The following ZNF37A variants were observed in gnomAD, a reference collection of about 807,000 sequenced individuals.
ZNF37A encodes zinc finger protein 37a (KOX 21).
In ZNF37A, 10 loss-of-function variants were observed where a neutral mutation model predicts 12.3. The ratio of observed to expected loss-of-function variants is 0.82; its 90% confidence interval spans 0.50 to 1.38. The LOEUF is 1.38. ZNF37A is among the 40% of genes most tolerant of loss of function. The pLI, the probability that ZNF37A is intolerant of heterozygous loss-of-function variation, is 0.00. For missense variants in ZNF37A, 580 were observed against 651.2 expected, an observed-to-expected ratio of 0.89 and a Z score of 1.19; for synonymous variants, 207 against 223.0, an observed-to-expected ratio of 0.93 and a Z score of 0.64.
chr10:38,139,731 T>A (rs1318123115), intron 7 of ZNF37A: 1 of 152,218 alleles, frequency 6.6e-6, no homozygotes, highest in African/African-American at 2.4e-5. Flanking sequence ...TTTCGTTTAC[T>A]ATTTTTCTTC....
At chr10:38,103,341 T>A (rs947586335) in intron 5 of ZNF37A, among the ~76,000 whole-genome samples, 1 of 152,212 alleles carries the variant, frequency 6.6e-6, no homozygotes, top group Non-Finnish European at 1.5e-5. Flanking sequence ...TTTTAAAAAA[T>A]TTTAGTTGTT....
chr10:38,132,665 G>T (rs189648314), intron 7 of ZNF37A, among the ~76,000 whole-genome samples: 40 of 152,216 alleles, frequency 2.6e-4, no homozygotes, highest in African/African-American at 9.4e-4. Context: ...TTCTGACCAT[G>T]TTTATATGGG....
chr10:38,108,262 A>G (rs1008668965), intron 5 of ZNF37A, among the ~76,000 whole-genome samples: 4 of 152,228 alleles, frequency 2.6e-5, no homozygotes, highest in Admixed American at 1.3e-4. Flanking sequence ...TGGGTAAATA[A>G]TGAAATTAAG....
intron 5 of ZNF37A, among the ~76,000 whole-genome samples, chr10:38,110,868 T>A (rs1241060732): frequency 6.6e-6 from 1 of 152,170 alleles, no homozygotes; most frequent in African/African-American, 2.4e-5. Flanking sequence ...ATAGGAATGA[T>A]TTTATACTGT....
At position 38,149,270 on chromosome 10, in the gene ZNF37A, C is replaced by T. The variant is rs1282193269; in HGVS notation, c.*2450C>T. ...TGAAAATATTATTTCAAAGTGTAGT[C>T]CTCCTAGACAGTGCTAATTCTATTG... is the stretch of plus-strand genomic sequence containing the variant. On this transcript the variant is annotated 3_prime_UTR_variant, in exon 8 of 8. Transcript: ENST00000638053. 2.0e-5 allele frequency: 3 copies of T among 152,202 alleles called. No individual in the cohort carries two copies. The East Asian group carries it at 5.8e-4, about 29-fold the overall frequency. 9.4% of individuals were successfully genotyped at this position (152,202 alleles called of 1,614,324 possible).
Position 38,101,823 on chromosome 10 carries a change from CTTT to C in ZNF37A, c.15+5206_15+5208del, listed in dbSNP as rs3041908. Among the ~76,000 whole-genome samples the C allele has an allele frequency of 2.0e-4, 27 of 133,148 alleles. 1 individual carries two copies. The highest frequency in any genetic ancestry group is 3.1e-4 in the Admixed American group (4 of 12,932). The allele number at this position is 133,148 out of a possible 152,430, so 87.4% of individuals were successfully genotyped here. On this transcript the variant is annotated intron_variant, in intron 5 of 7. Coordinates refer to ENST00000685332, the MANE Select transcript of ZNF37A (RefSeq NM_001324250.3). ...CCAATTTCTTTTTCCTTTTATTTTT[CTTT>C]TTTTTTTTTTTTTTGAGACAGAGTC...
downstream of ZNF37A, among the ~76,000 whole-genome samples, chr10:38,127,986 T>C (rs1395652491): frequency 6.6e-6 from 1 of 152,062 alleles, no homozygotes; most frequent in African/African-American, 2.4e-5. Flanking sequence ...CAGTTGAAAC[T>C]GAGAGAGGGT....
At chr10:38,101,355 T>C (rs2067555845) in intron 5 of ZNF37A, among the ~76,000 whole-genome samples, 1 of 152,114 alleles carries the variant, frequency 6.6e-6, no homozygotes, top group Admixed American at 6.5e-5. Flanking sequence ...GTTAATTTTT[T>C]TTTTTTTTTA....
intron 7 of ZNF37A, chr10:38,140,314 G>A (rs559224178): frequency 4.6e-5 from 7 of 152,300 alleles, no homozygotes; most frequent in South Asian, 2.1e-4. Context: ...GTGTAAACAC[G>A]GTATCTAGTT....
At chr10:38,137,798 A>G (rs2070129732) in intron 7 of ZNF37A, 1 of 152,228 alleles carries the variant, frequency 6.6e-6, no homozygotes, top group African/African-American at 2.4e-5. Context: ...AAAATAAACT[A>G]CGGAGGTTTA....
rs1401585877 is a variant in ZNF37A at position 38,123,656 on chromosome 10, TC to T, written c.*4820del. On this transcript the variant is annotated 3_prime_UTR_variant, in exon 8 of 8. Coordinates refer to ENST00000685332, the MANE Select transcript of ZNF37A (RefSeq NM_001324250.3). Reference sequence around the variant, plus strand: ...TATAACAATTCTATAGAAAAAAAAATCTGATTTAAAACTGGGCAAAAATCTG... The same window carrying T: ...TATAACAATTCTATAGAAAAAAAAATTGATTTAAAACTGGGCAAAAATCTG... 6.6e-6 allele frequency: 1 copy of T among 151,906 alleles called. No homozygotes were observed. Among genetic ancestry groups the T allele is most frequent in the Non-Finnish European group, 1.5e-5 (1 of 67,994 alleles). The allele number at this position is 151,906 out of a possible 1,614,324, so 9.4% of individuals were successfully genotyped here.
chr10:38,097,954 C>G lies in ZNF37A; in HGVS notation c.15+1322C>G, dbSNP rs191800834. Among the ~76,000 whole-genome samples the G allele has an allele frequency of 9.8e-5, 15 of 152,294 alleles. No homozygotes were observed. The East Asian group carries it at 2.9e-3, about 29-fold the overall frequency. ...GTACCCTTAATAAGCAGTGTTGTAA[C>G]TTAATAAGCAGTTGCTCCCTTTTTC... On this transcript the variant is annotated intron_variant, in intron 5 of 7. Coordinates refer to ENST00000685332, the MANE Select transcript of ZNF37A (RefSeq NM_001324250.3).
In ZNF37A at chr10:38,096,581, C is replaced by T. The variant is rs756677477; in HGVS notation, c.-37C>T. ...TCTTTTCTTATTTCTCAGCTACACCCTCACAGTTTGCTCTGCTCTTCCAAC... is the reference window on the plus strand; with the variant it reads ...TCTTTTCTTATTTCTCAGCTACACCTTCACAGTTTGCTCTGCTCTTCCAAC... On this transcript the variant is annotated 5_prime_UTR_variant, in exon 5 of 8. Coordinates refer to ENST00000685332, the MANE Select transcript of ZNF37A (RefSeq NM_001324250.3). 3 of 1,607,986 alleles carry T rather than the reference C, an allele frequency of 1.9e-6. No individual in the cohort carries two copies. Among genetic ancestry groups the T allele is most frequent in the East Asian group, 4.5e-5 (2 of 44,770 alleles).
rs1352685246 is a variant in ZNF37A at position 38,121,973 on chromosome 10, C to T, written c.*3136C>T. 2.0e-5 allele frequency: 3 copies of T among 152,162 alleles called. No homozygotes were observed. The highest frequency in any genetic ancestry group is 2.1e-4 in the South Asian group (1 of 4,832). The allele number at this position is 152,162 out of a possible 1,614,324, so 9.4% of individuals were successfully genotyped here. A position where few individuals can be genotyped will look rare whatever the true frequency, so the allele number is the denominator to read the frequency against. ...AATACTCTGGCTGGTCTCAGTGGCT[C>T]ATGTCTGTAATTCTAGCATGTTAGA... On this transcript the variant is annotated 3_prime_UTR_variant, in exon 8 of 8. Transcript: ENST00000685332.
chr10:38,148,011 C>T (rs1180368784), exon 8 of ZNF37A: 3 of 152,198 alleles, frequency 2.0e-5, no homozygotes, highest in Non-Finnish European at 4.4e-5. Flanking sequence ...TGTCATGTCA[C>T]ATTTTATGTC....
intron 5 of ZNF37A, among the ~76,000 whole-genome samples, chr10:38,112,109 G>T (rs1427055832): frequency 4.8e-5 from 7 of 147,302 alleles, no homozygotes; most frequent in Admixed American, 1.4e-4. Context: ...TTCCTGGAAG[G>T]CCAGGATTCA....
At chr10:38,141,743 C>T (rs1244813331) in intron 7 of ZNF37A, 1 of 152,206 alleles carries the variant, frequency 6.6e-6, no homozygotes, top group East Asian at 1.9e-4. Context: ...ATATTGAAAC[C>T]ATCCACACTA....
At chr10:38,140,459 TAGAA>T (rs903418460) in intron 7 of ZNF37A, 9 of 152,124 alleles carry the variant, frequency 5.9e-5, no homozygotes, top group South Asian at 2.1e-4. Flanking sequence ...AGTTATAAGT[TAGAA>T]AGGGTACAAG....
chr10:38,105,264 CA>C (rs2067967421), intron 5 of ZNF37A, among the ~76,000 whole-genome samples: 1 of 152,132 alleles, frequency 6.6e-6, no homozygotes, highest in African/African-American at 2.4e-5. Context: ...CTTGGCCTAA[CA>C]AAGTGTTGGG....
Sources: gnomAD v4.1 joint callset for allele counts (sites outside exome capture counted in the v4.1 genomes callset) on GRCh38, gnomAD v4.1.1 for gene constraint, MANE v1.5 for transcripts, NCBI Gene and HGNC (gene_info 2026-07-23, HGNC 2026-07-21) for gene names.